Variants in AUTS2 observed in about 807,000 individuals in gnomAD.
The protein encoded by AUTS2 is autism susceptibility gene 2 protein.
A neutral mutation model predicts 112.4 loss-of-function variants in AUTS2; 17 were observed. The observed-to-expected ratio is 0.15, with a 90% confidence interval of 0.10 to 0.23. AUTS2 has a LOEUF of 0.23. Among genes scored for constraint, AUTS2 ranks in the 10% least tolerant of loss-of-function variants. The probability of loss-of-function intolerance (pLI) is 1.00; values close to 1 mark genes in which losing one functional copy is unlikely to be tolerated. For missense variants in AUTS2, 1,510 were observed against 1,701.6 expected, an observed-to-expected ratio of 0.89 and a Z score of 1.98; for synonymous variants, 751 against 702.7, an observed-to-expected ratio of 1.07 and a Z score of -1.09.
intron 4 of AUTS2, among the ~76,000 whole-genome samples, chr7:70,163,360 AGAGGGGG>A (rs1808215499): frequency 4.1e-4 from 1 of 2,462 alleles, no homozygotes; most frequent in African/African-American, 1.1e-3. Flanking sequence ...GGGGGGGGGC[AGAGGGGG>A]AGGGAGAAGG....
In AUTS2 at chr7:70,079,583, A is replaced by G. The variant is rs558911527; in HGVS notation, c.523-38549A>G. Among the ~76,000 whole-genome samples, 117 of 152,142 alleles carry G rather than the reference A, an allele frequency of 7.7e-4. 2 individuals are homozygous for G. The highest frequency in any genetic ancestry group is 3.4e-3 in the Middle Eastern group (1 of 294). On this transcript the variant is annotated intron_variant, in intron 2 of 18. Transcript: ENST00000342771. ...TTGTAATCAGTATTCAAAATTCATCACTTCCTTATTAGCTGCTACATTTTA... is the reference window on the plus strand; with the variant it reads ...TTGTAATCAGTATTCAAAATTCATCGCTTCCTTATTAGCTGCTACATTTTA...
intron 2 of AUTS2, among the ~76,000 whole-genome samples, chr7:69,905,494 C>T (rs970723662): frequency 1.3e-5 from 2 of 152,084 alleles, no homozygotes; most frequent in Middle Eastern, 3.2e-3. Context: ...CTGGGGTAGT[C>T]CTCAAGTCCA....
chr7:69,971,068 C>T (rs1455456214), intron 2 of AUTS2, among the ~76,000 whole-genome samples: 2 of 152,054 alleles, frequency 1.3e-5, no homozygotes, highest in Middle Eastern at 3.2e-3. Flanking sequence ...GTCTCAGCTA[C>T]TTGGGAGGCT....
intron 1 of AUTS2, among the ~76,000 whole-genome samples, chr7:69,845,866 A>G (rs1584330995): frequency 1.3e-5 from 2 of 152,294 alleles, no homozygotes; most frequent in Admixed American, 1.3e-4. Context: ...AACTCCTGGG[A>G]TGCAGGTGCC....
At chr7:69,617,110 G>T (rs1285086268) in intron 1 of AUTS2, among the ~76,000 whole-genome samples, 1 of 152,098 alleles carries the variant, frequency 6.6e-6, no homozygotes, top group Non-Finnish European at 1.5e-5. Flanking sequence ...TTATAAAGCA[G>T]GGTAAAGCAA....
intron 1 of AUTS2, among the ~76,000 whole-genome samples, chr7:69,743,513 C>T (rs554752626): frequency 1.3e-5 from 2 of 152,096 alleles, no homozygotes; most frequent in Admixed American, 1.3e-4. Context: ...TTTTTACATA[C>T]AATAAAGTGC....
chr7:69,661,186 T>G (rs1193515517), intron 1 of AUTS2, among the ~76,000 whole-genome samples: 1 of 152,198 alleles, frequency 6.6e-6, no homozygotes, highest in East Asian at 1.9e-4. Flanking sequence ...GACTGGAACC[T>G]GGATAGATTG....
intron 1 of AUTS2, among the ~76,000 whole-genome samples, chr7:69,820,741 AAG>A (rs1790953793): frequency 6.6e-6 from 1 of 152,292 alleles, no homozygotes; most frequent in African/African-American, 2.4e-5. Context: ...ATAGGAGAGA[AAG>A]AGGTAGAGTA....
intron 4 of AUTS2, among the ~76,000 whole-genome samples, chr7:70,160,844 A>C (rs1808038791): frequency 6.6e-6 from 1 of 152,196 alleles, no homozygotes; most frequent in Non-Finnish European, 1.5e-5. Flanking sequence ...ATTTTTTAGC[A>C]GATTCTTCTT....
intron 4 of AUTS2, among the ~76,000 whole-genome samples, chr7:70,157,609 C>G (rs1807851211): frequency 6.6e-6 from 1 of 152,210 alleles, no homozygotes; most frequent in Non-Finnish European, 1.5e-5. Flanking sequence ...GCCACCACAC[C>G]TGGCTCTTTT....
intron 1 of AUTS2, among the ~76,000 whole-genome samples, chr7:69,833,553 G>A (rs1339990591): frequency 3.9e-5 from 6 of 152,022 alleles, no homozygotes; most frequent in Non-Finnish European, 7.4e-5. Flanking sequence ...TCATGCCTTA[G>A]CCTCCTGAGT....
At chr7:70,747,803 T>TATTTTATTTC (rs1337891905) in intron 6 of AUTS2, among the ~76,000 whole-genome samples, 8 of 137,080 alleles carry the variant, frequency 5.8e-5, no homozygotes, top group East Asian at 2.3e-4. Flanking sequence ...CTCATTTCTT[T>TATTTTATTTC]ATTTTATTTT....
At chr7:69,725,109 T>C (rs1786443741) in intron 1 of AUTS2, among the ~76,000 whole-genome samples, 2 of 152,174 alleles carry the variant, frequency 1.3e-5, no homozygotes, top group South Asian at 2.1e-4. Context: ...CACTCACATA[T>C]AGTCACCCCA....
intron 1 of AUTS2, among the ~76,000 whole-genome samples, chr7:69,685,142 T>C (rs910569144): frequency 2.5e-4 from 38 of 152,358 alleles, no homozygotes; most frequent in African/African-American, 8.9e-4. Flanking sequence ...TCAGGCTCTC[T>C]CCCTAAGGCA....
chr7:70,116,963 C>T (rs1805387860), intron 2 of AUTS2, among the ~76,000 whole-genome samples: 2 of 152,152 alleles, frequency 1.3e-5, no homozygotes, highest in South Asian at 4.1e-4. Context: ...ATATTGTAGA[C>T]TAGTACTCCA....
chr7:70,323,260 C>T (rs1790337307), intron 4 of AUTS2, among the ~76,000 whole-genome samples: 2 of 152,174 alleles, frequency 1.3e-5, no homozygotes, highest in South Asian at 4.1e-4. Flanking sequence ...GAGGCCAGTC[C>T]ACAACCCAAC....
In AUTS2 at chr7:69,856,183, A is replaced by C. The variant is rs148238950; in HGVS notation, c.310-43103A>C. Among the ~76,000 whole-genome samples, 1,094 of 152,166 alleles carry C rather than the reference A, an allele frequency of 7.2e-3. 6 individuals carry two copies. The highest frequency in any genetic ancestry group is 0.012 in the Non-Finnish European group (840 of 68,012). ...GCCCCAACTTTTAACTGAGTACTTT[A>C]GAAATAGGCTGAGTCCCAAGGGGTC... On this transcript the variant is annotated intron_variant, in intron 1 of 18. Coordinates refer to ENST00000342771, the MANE Select transcript of AUTS2 (RefSeq NM_015570.4).
intron 4 of AUTS2, among the ~76,000 whole-genome samples, chr7:70,219,368 G>A (rs765562840): frequency 5.3e-5 from 8 of 151,940 alleles, no homozygotes; most frequent in Non-Finnish European, 8.8e-5. Flanking sequence ...CAAAACTGTC[G>A]CTCATGCGTT....
intron 2 of AUTS2, among the ~76,000 whole-genome samples, chr7:70,023,485 G>A (rs1402317263): frequency 1.3e-5 from 2 of 152,182 alleles, no homozygotes; most frequent in East Asian, 3.8e-4. Flanking sequence ...ACAGGCATTG[G>A]AGTCTGTCTC....
Sources: gnomAD v4.1 joint callset for allele counts (sites outside exome capture counted in the v4.1 genomes callset) on GRCh38, gnomAD v4.1.1 for gene constraint, MANE v1.5 for transcripts, NCBI Gene and HGNC (gene_info 2026-07-23, HGNC 2026-07-21) for gene names.